FKBP4: variants seen among roughly 807,000 people sequenced by gnomAD.
The protein encoded by FKBP4 is FKBP prolyl isomerase 4.
A neutral mutation model predicts 54.1 loss-of-function variants in FKBP4; 28 were observed. The observed-to-expected ratio is 0.52, with a 90% confidence interval of 0.38 to 0.71. The LOEUF (loss-of-function observed/expected upper bound fraction) is 0.71. Among genes scored for constraint, FKBP4 ranks in the 30% least tolerant of loss-of-function variants. The pLI, the probability that FKBP4 is intolerant of heterozygous loss-of-function variation, is 0.00. For missense variants in FKBP4, 493 were observed against 574.4 expected, an observed-to-expected ratio of 0.86 and a Z score of 1.45; for synonymous variants, 223 against 216.1, an observed-to-expected ratio of 1.03 and a Z score of -0.28.
Position 2,805,027 on chromosome 12 carries a change from T to TA in FKBP4, c.*1770dup, listed in dbSNP as rs758829135. On this transcript the variant is annotated 3_prime_UTR_variant, in exon 10 of 10. Transcript: ENST00000001008. The stretch of plus-strand genomic sequence containing the variant: ...TGGTATTTCAAAAGTAGTAGATTCT[T>TA]ACGCCTGCAGCCAACAATAATCACT... 12 of 318,378 alleles carry TA rather than the reference T, an allele frequency of 3.8e-5. No homozygotes were observed. Among genetic ancestry groups the TA allele is most frequent in the Admixed American group, 2.2e-4 (5 of 22,748 alleles). 19.7% of individuals were successfully genotyped at this position (318,378 alleles called of 1,614,324 possible). A position where few individuals can be genotyped will look rare whatever the true frequency, so the allele number is the denominator to read the frequency against.
At chr12:2,800,228 G>C (rs2097903995) in intron 7 of FKBP4, 106 bp downstream of exon 7, 1 of 1,413,648 alleles carries the variant, frequency 7.1e-7, no homozygotes, top group Non-Finnish European at 9.8e-7. Flanking sequence ...TGGACAGGTT[G>C]GCACCTGCCA....
intron 9 of FKBP4, among the ~76,000 whole-genome samples, chr12:2,802,344 A>C (rs2097905315): frequency 6.6e-6 from 1 of 151,778 alleles, no homozygotes; most frequent in Non-Finnish European, 1.5e-5. Context: ...CATCATGTTG[A>C]CCAGGCTCTC....
At chr12:2,797,642 G>C (rs919174719) in intron 2 of FKBP4, 87 bp from the exon 3 acceptor site, 53 of 1,472,284 alleles carry the variant, frequency 3.6e-5, no homozygotes, top group Non-Finnish European at 4.9e-5. Flanking sequence ...TTCCCCATGA[G>C]TGTGGTGCAG....
In FKBP4 at chr12:2,798,820, G is replaced by A. The variant is rs768206629; in HGVS notation, c.508G>A (p.Val170Met). The A allele has an allele frequency of 5.0e-6, 8 of 1,614,068 alleles. No homozygotes were observed. Among genetic ancestry groups the A allele is most frequent in the Non-Finnish European group, 5.1e-6 (6 of 1,180,040 alleles). Residue 170 changes from valine to methionine, a missense_variant, in exon 4 of 10, where the codon GTG becomes ATG. Val to Met is a conservative substitution (Grantham distance 21). Coordinates refer to ENST00000001008, the MANE Select transcript of FKBP4 (RefSeq NM_002014.4). This position sits in a 1 kb window ranked among gnomAD's most constrained non-coding sequence, Gnocchi z 4.3. The stretch of plus-strand genomic sequence containing the variant: ...TGCTAAGCCCAATGAGGGTGCTATC[G>A]TGGAGGGTGAGACAGTACAGTCTGG... ...GYAKPNEGAI[V>M]EVALEGYYKD... is the part of the protein sequence containing the mutation.
chr12:2,800,395 G>A lies in FKBP4; in HGVS notation c.850G>A (p.Gly284Ser). Residue 284 changes from glycine to serine, a missense_variant, in exon 8 of 10, where the codon GGT (glycine) becomes AGT (serine). Coordinates refer to ENST00000001008, the MANE Select transcript of FKBP4 (RefSeq NM_002014.4). The stretch of plus-strand genomic sequence containing the variant: ...CTGAGCCTCTCTCCCATTCCAGGAA[G>A]GTAAATACAAGCAAGCTTTACTACA... ...KERGTVYFKE[G>S]KYKQALLQYK... 1 of 1,609,844 alleles carries A rather than the reference G, an allele frequency of 6.2e-7. No homozygotes were observed. The highest frequency in any genetic ancestry group is 1.1e-5 in the South Asian group (1 of 90,334).
intron 2 of FKBP4, 139 bp from the exon 3 acceptor site, chr12:2,797,590 A>G (rs776195856): frequency 9.6e-7 from 1 of 1,039,038 alleles, no homozygotes; most frequent in Non-Finnish European, 1.4e-6. Flanking sequence ...TAATACAACC[A>G]GGTACCTCAC....
At position 2,797,257 on chromosome 12, in the gene FKBP4, C is replaced by G; in HGVS notation, c.225C>G (p.Asp75Glu). 6.2e-7 allele frequency: 1 copy of G among 1,613,942 alleles called. No individual in the cohort carries two copies. ...TTGACTCCAGTCTGGATCGCAAGGA[C>G]AAATTCTCCTTTGACCTGGGAAAAG... ...TKFDSSLDRK[D>E]KFSFDLGKGE... The change falls in exon 2 of 10, where the codon GAC (aspartate) becomes GAG (glutamate). Residue 75 changes from aspartate to glutamate, a missense_variant. Transcript: ENST00000001008.
At chr12:2,796,939 TG>T in intron 1 of FKBP4, 198 bp from the exon 2 acceptor site, 4 of 1,369,938 alleles carry the variant, frequency 2.9e-6, no homozygotes, top group Non-Finnish European at 3.8e-6. Context: ...AACCAAGTCT[TG>T]CTGCACCTCA....
chr12:2,795,343 G>T lies in FKBP4; in HGVS notation c.105+99G>T. The T allele has an allele frequency of 2.2e-6, 1 of 456,190 alleles. No homozygotes were observed. The allele number at this position is 456,190 out of a possible 1,614,324, so 28.3% of individuals were successfully genotyped here. On this transcript the variant is annotated intron_variant, in intron 1 of 9. Coordinates refer to ENST00000001008, the MANE Select transcript of FKBP4 (RefSeq NM_002014.4). This position sits in a 1 kb window ranked among gnomAD's most constrained non-coding sequence, Gnocchi z 4.3. Reference sequence around the variant, plus strand: ...CCCGCGGCCGGGCACGGGTCGAGGCGGCCGCCTTTGCAGCCTCGCGGCCGT... The same window carrying T: ...CCCGCGGCCGGGCACGGGTCGAGGCTGCCGCCTTTGCAGCCTCGCGGCCGT...
At chr12:2,796,853 G>A in intron 1 of FKBP4, 1 of 1,217,024 alleles carries the variant, frequency 8.2e-7, no homozygotes, top group Non-Finnish European at 1.0e-6. Flanking sequence ...TACAAATAAA[G>A]TGTGGAGAAT....
rs1212218890 is a variant in FKBP4, at chr12:2,795,666, T to TGCCAGCCGCGGGCC, written c.105+426_105+439dup. The TGCCAGCCGCGGGCC allele has an allele frequency of 3.3e-5, 5 of 149,908 alleles. No homozygotes were observed. The highest frequency in any genetic ancestry group is 1.2e-4 in the African/African-American group (5 of 40,954). 9.3% of individuals were successfully genotyped at this position (149,908 alleles called of 1,614,324 possible). A position where few individuals can be genotyped will look rare whatever the true frequency, so the allele number is the denominator to read the frequency against. On this transcript the variant is annotated intron_variant, in intron 1 of 9. Coordinates refer to ENST00000001008, the MANE Select transcript of FKBP4 (RefSeq NM_002014.4). The surrounding 1 kb of genome is among the most constrained non-coding windows in gnomAD (Gnocchi z 4.3). ...CCCGACCTCGCGGCCCCAGCGGAGC[T>TGCCAGCCGCGGGCC]GCCAGCCGCGGGCCGCCTCGTTGGT... is the stretch of plus-strand genomic sequence containing the variant.
intron 7 of FKBP4, 106 bp from the exon 8 acceptor site, chr12:2,800,286 T>C: frequency 1.4e-6 from 2 of 1,403,326 alleles, no homozygotes; most frequent in Non-Finnish European, 2.0e-6. Flanking sequence ...GTGGGAAGGG[T>C]GGGAGCAGGA....
Position 2,795,108 on chromosome 12 carries a change from C to T in FKBP4, c.-32C>T. 7.9e-7 allele frequency: 1 copy of T among 1,272,518 alleles called. No individual in the cohort carries two copies. The highest frequency in any genetic ancestry group is 1.0e-6 in the Non-Finnish European group (1 of 995,218). The allele number at this position is 1,272,518 out of a possible 1,614,324, so 78.8% of individuals were successfully genotyped here. On this transcript the variant is annotated 5_prime_UTR_variant, in exon 1 of 10. Coordinates refer to ENST00000001008, the MANE Select transcript of FKBP4 (RefSeq NM_002014.4). The surrounding 1 kb of genome is among the most constrained non-coding windows in gnomAD (Gnocchi z 4.3). ...GCCCAGAGTGCGCTCGCGCCGGCAC[C>T]AGCTCCCGGATAAACGGCGCGCCGC...
chr12:2,795,611 G>C lies in FKBP4; in HGVS notation c.105+367G>C, dbSNP rs1430172622. On this transcript the variant is annotated intron_variant, in intron 1 of 9. Transcript: ENST00000001008. This position sits in a 1 kb window ranked among gnomAD's most constrained non-coding sequence, Gnocchi z 4.3. ...GCGGGCACCCGAGCCGCAGCCCGGG[G>C]CCAGGCCGGGCCTCCCACGCCACGC... 1 of 147,466 alleles carries C rather than the reference G, an allele frequency of 6.8e-6. No homozygotes were observed. The highest frequency in any genetic ancestry group is 6.7e-5 in the Admixed American group (1 of 14,830). 9.1% of individuals were successfully genotyped at this position (147,466 alleles called of 1,614,324 possible).
At chr12:2,800,722 C>T (rs1003558660) in intron 8 of FKBP4, 145 bp downstream of exon 8, 17 of 781,296 alleles carry the variant, frequency 2.2e-5, no homozygotes, top group Middle Eastern at 2.6e-4. Flanking sequence ...ACCAAAGGCA[C>T]GGATGCAAGT....
rs377684383 is a variant in FKBP4, at chr12:2,795,145, A to G, written c.6A>G (p.Thr2=). 5.7e-5 allele frequency: 75 copies of G among 1,306,418 alleles called. No individual in the cohort carries two copies. The African/African-American group carries it at 1.0e-3, about 18-fold the overall frequency. The allele number at this position is 1,306,418 out of a possible 1,614,324, so 80.9% of individuals were successfully genotyped here. A position where few individuals can be genotyped will look rare whatever the true frequency, so the allele number is the denominator to read the frequency against. Reference sequence around the variant, plus strand: ...AAACGGCGCGCCGCGCGGAGATGACAGCCGAGGAGATGAAGGCGACCGAGA... The same window carrying G: ...AAACGGCGCGCCGCGCGGAGATGACGGCCGAGGAGATGAAGGCGACCGAGA... M[T]AEEMKATESG... is the part of the protein sequence containing the mutation. The change falls in exon 1 of 10, where the codon ACA becomes ACG. Residue 2 remains threonine (T), a synonymous_variant. Transcript: ENST00000001008. This position sits in a 1 kb window ranked among gnomAD's most constrained non-coding sequence, Gnocchi z 4.3.
At chr12:2,799,046 G>A in intron 4 of FKBP4, 42 bp from the exon 5 acceptor site, 1 of 1,520,794 alleles carries the variant, frequency 6.6e-7, no homozygotes, top group Non-Finnish European at 8.8e-7. Flanking sequence ...TCAGTCACCT[G>A]CCCTCTTACA....
chr12:2,801,283 T>A lies in FKBP4; in HGVS notation c.1199T>A (p.Ile400Asn). Residue 400 changes from isoleucine to asparagine, a missense_variant, in exon 9 of 10, where the codon ATC becomes AAC. Transcript: ENST00000001008. ...KTQLAVCQQR[I>N]RRQLAREKKL... is the part of the protein sequence containing the mutation. Reference sequence around the variant, plus strand: ...CAGCTGGCTGTGTGCCAGCAGCGGATCCGAAGGCAGCTTGCCCGGGAGAAG... The same window carrying A: ...CAGCTGGCTGTGTGCCAGCAGCGGAACCGAAGGCAGCTTGCCCGGGAGAAG... 1 of 1,614,010 alleles carries A rather than the reference T, an allele frequency of 6.2e-7. No individual in the cohort carries two copies. The highest frequency in any genetic ancestry group is 8.5e-7 in the Non-Finnish European group (1 of 1,180,022).
chr12:2,797,673 TTGAGCC>T, intron 2 of FKBP4, 50 bp from the exon 3 acceptor site: 1 of 1,560,712 alleles, frequency 6.4e-7, no homozygotes, highest in Admixed American at 1.8e-5. Flanking sequence ...GGAGCACTGT[TTGAGCC>T]CAGAATCAGA....
Sources: gnomAD v4.1 joint callset for allele counts (sites outside exome capture counted in the v4.1 genomes callset) on GRCh38, gnomAD v4.1.1 for gene constraint, Gnocchi (gnomAD v3.1) non-coding constraint, MANE v1.5 for transcripts, NCBI Gene and HGNC (gene_info 2026-07-23, HGNC 2026-07-21) for gene names.